The following AOAH variants were observed in gnomAD, a reference collection of about 807,000 sequenced individuals.
AOAH encodes acyloxyacyl hydrolase (neutrophil).
A neutral mutation model predicts 92.2 loss-of-function variants in AOAH; 64 were observed. That is an observed-to-expected ratio of 0.69 (90% CI 0.57 to 0.86). AOAH has a LOEUF of 0.86. AOAH is among the 40% of genes least tolerant of loss of function. The probability of loss-of-function intolerance (pLI) is 0.00; values close to 1 mark genes in which losing one functional copy is unlikely to be tolerated. For synonymous variants in AOAH, 263 were observed against 254.5 expected, an observed-to-expected ratio of 1.03 and a Z score of -0.32; for missense variants, 656 against 694.6, an observed-to-expected ratio of 0.94 and a Z score of 0.62.
In AOAH at chr7:36,711,677, G is replaced by A. The variant is rs560658502; in HGVS notation, c.127+12345C>T. Reference sequence around the variant, plus strand: ...TGGGAACTGCCACGGTAAAGGGCACGTGCAGAGGGCAGTAGCTGTGTCCAG... The same window carrying A: ...TGGGAACTGCCACGGTAAAGGGCACATGCAGAGGGCAGTAGCTGTGTCCAG... On this transcript the variant is annotated intron_variant, in intron 1 of 20. Coordinates refer to ENST00000617537, the MANE Select transcript of AOAH (RefSeq NM_001637.4). Among the ~76,000 whole-genome samples the A allele has an allele frequency of 1.3e-4, 20 of 152,334 alleles. No homozygotes were observed. The South Asian group carries it at 2.1e-3, about 16-fold the overall frequency.
rs1410423633 is a variant in AOAH, at chr7:36,643,314, GTT to G, written c.391-5406_391-5405del. ...GTGCCTTTCCCACCACTGAAACACTGTTTTCCAAGAATGAAGTAAGCCTGAAA... is the reference window on the plus strand; with the variant it reads ...GTGCCTTTCCCACCACTGAAACACTGTTCCAAGAATGAAGTAAGCCTGAAA... On this transcript the variant is annotated intron_variant, in intron 4 of 20. Transcript: ENST00000617537. Among the ~76,000 whole-genome samples the G allele has an allele frequency of 3.9e-5, 6 of 152,278 alleles. No individual in the cohort carries two copies. The South Asian group carries it at 1.0e-3, about 26-fold the overall frequency.
chr7:36,577,495 G>A (rs1479797361), intron 12 of AOAH, among the ~76,000 whole-genome samples: 2 of 152,138 alleles, frequency 1.3e-5, no homozygotes, highest in African/African-American at 4.8e-5. Context: ...ACCTTTCTGT[G>A]TGAGAGAAAT....
intron 2 of AOAH, among the ~76,000 whole-genome samples, chr7:36,685,274 A>G (rs1796930429): frequency 6.6e-6 from 1 of 152,210 alleles, no homozygotes; most frequent in Non-Finnish European, 1.5e-5. Context: ...AAACATTTAA[A>G]TACCGGGCAA....
At chr7:36,708,203 A>G (rs948581192) in intron 1 of AOAH, among the ~76,000 whole-genome samples, 1 of 152,062 alleles carries the variant, frequency 6.6e-6, no homozygotes, top group Non-Finnish European at 1.5e-5. Flanking sequence ...AGTATACTAC[A>G]TGTTTCTGAG....
chr7:36,611,462 GC>G (rs1412280038), intron 11 of AOAH, among the ~76,000 whole-genome samples: 2 of 152,198 alleles, frequency 1.3e-5, no homozygotes, highest in African/African-American at 4.8e-5. Flanking sequence ...ATTCATTGCT[GC>G]AAACAGCAGA....
At chr7:36,700,420 A>G (rs1401980180) in intron 1 of AOAH, among the ~76,000 whole-genome samples, 1 of 152,018 alleles carries the variant, frequency 6.6e-6, no homozygotes, top group Non-Finnish European at 1.5e-5. Context: ...AGAATGTCTA[A>G]TATCTGACTT....
intron 6 of AOAH, among the ~76,000 whole-genome samples, chr7:36,627,380 C>T (rs532258707): frequency 6.6e-6 from 1 of 151,830 alleles, no homozygotes; most frequent in Admixed American, 6.5e-5. Flanking sequence ...ATTCTTTCAA[C>T]GTAGCTCCGG....
chr7:36,562,427 T>G (rs1173802190), intron 13 of AOAH, among the ~76,000 whole-genome samples: 1 of 152,206 alleles, frequency 6.6e-6, no homozygotes, highest in Non-Finnish European at 1.5e-5. Context: ...TATATTCTGA[T>G]CCCTGCGATC....
At chr7:36,605,234 G>T (rs1790914311) in intron 11 of AOAH, among the ~76,000 whole-genome samples, 2 of 152,044 alleles carry the variant, frequency 1.3e-5, no homozygotes, top group Admixed American at 1.3e-4. Flanking sequence ...GGAATTGCAT[G>T]GAAGGAATTA....
chr7:36,558,290 C>T, intron 13 of AOAH, among the ~76,000 whole-genome samples: 1 of 152,162 alleles, frequency 6.6e-6, no homozygotes, highest in Non-Finnish European at 1.5e-5. Context: ...GCAGTGTCTG[C>T]AGAACAGTGG....
Position 36,522,054 on chromosome 7 carries a change from T to A in AOAH, c.1584A>T (p.Gly528=). The change falls in exon 20 of 21, where the codon GGA becomes GGT. Residue 528 remains glycine (G), a synonymous_variant. Coordinates refer to ENST00000617537, the MANE Select transcript of AOAH (RefSeq NM_001637.4). ...QPWQLIEPVD[G]FHPNEVALLL... The stretch of plus-strand genomic sequence containing the variant: ...CTGTGCTTACCTCGTTGGGGTGGAA[T>A]CCATCCACGGGCTCGATGAGCTGCC... 6.2e-7 allele frequency: 1 copy of A among 1,614,110 alleles called. No homozygotes were observed. The highest frequency in any genetic ancestry group is 8.5e-7 in the Non-Finnish European group (1 of 1,179,954).
At chr7:36,690,492 G>A (rs775752018) in intron 1 of AOAH, among the ~76,000 whole-genome samples, 8 of 152,188 alleles carry the variant, frequency 5.3e-5, no homozygotes, top group African/African-American at 7.2e-5. Flanking sequence ...CAAAAATGGA[G>A]AAACTGACTT....
chr7:36,684,683 C>G (rs923707359), intron 2 of AOAH, among the ~76,000 whole-genome samples: 1 of 151,652 alleles, frequency 6.6e-6, no homozygotes, highest in Non-Finnish European at 1.5e-5. Flanking sequence ...CTTTGGGAGG[C>G]CAAGATGGAC....
At chr7:36,568,980 G>A (rs1454613679) in intron 13 of AOAH, among the ~76,000 whole-genome samples, 1 of 152,182 alleles carries the variant, frequency 6.6e-6, no homozygotes. Context: ...ACAAGGGGAT[G>A]GGAGGAGGGG....
intron 4 of AOAH, among the ~76,000 whole-genome samples, chr7:36,651,520 G>T (rs1275993955): frequency 1.3e-5 from 2 of 152,220 alleles, no homozygotes; most frequent in Non-Finnish European, 2.9e-5. Flanking sequence ...GAACATGTCA[G>T]TGGTTTCATT....
chr7:36,574,414 C>A (rs1047073856), intron 13 of AOAH, among the ~76,000 whole-genome samples: 1 of 152,144 alleles, frequency 6.6e-6, no homozygotes, highest in African/African-American at 2.4e-5. Context: ...GACAGGAGAT[C>A]GCAAAAGGAC....
intron 1 of AOAH, among the ~76,000 whole-genome samples, chr7:36,719,192 A>G (rs1044313436): frequency 6.6e-6 from 1 of 152,222 alleles, no homozygotes; most frequent in African/African-American, 2.4e-5. Context: ...CTTTTGGAAG[A>G]TGGCTTATCA....
intron 5 of AOAH, among the ~76,000 whole-genome samples, chr7:36,636,047 C>T (rs926102225): frequency 6.6e-5 from 10 of 152,120 alleles, no homozygotes; most frequent in African/African-American, 2.2e-4. Flanking sequence ...TCTCACCAAC[C>T]GATAGGCTGT....
At chr7:36,566,440 G>A (rs368011150) in intron 13 of AOAH, among the ~76,000 whole-genome samples, 14 of 149,466 alleles carry the variant, frequency 9.4e-5, no homozygotes, top group Middle Eastern at 3.5e-3. Context: ...GCTGGATTCC[G>A]TGGGTTCAGG....
Sources: gnomAD v4.1 joint callset for allele counts (sites outside exome capture counted in the v4.1 genomes callset) on GRCh38, gnomAD v4.1.1 for gene constraint, MANE v1.5 for transcripts, NCBI Gene and HGNC (gene_info 2026-07-23, HGNC 2026-07-21) for gene names.